GHRHR: variants seen among roughly 807,000 people sequenced by gnomAD.
GHRHR encodes the protein growth hormone releasing hormone receptor.
Under a neutral mutation model 58.3 loss-of-function variants are expected in GHRHR, and 40 were observed. The observed-to-expected ratio is 0.69, with a 90% CI of 0.53 to 0.89. The LOEUF (loss-of-function observed/expected upper bound fraction) is 0.89. GHRHR is among the 40% of genes least tolerant of loss of function. The pLI is 0.00. For synonymous variants in GHRHR, 249 were observed against 216.6 expected, an observed-to-expected ratio of 1.15 and a Z score of -1.31; for missense variants, 551 against 541.3, an observed-to-expected ratio of 1.02 and a Z score of -0.18.
chr7:30,979,425 C>T lies in GHRHR; in HGVS notation c.*181C>T, dbSNP rs1792650746. On this transcript the variant is annotated 3_prime_UTR_variant, in exon 13 of 13. Transcript: ENST00000326139. ...TCTTTTGAGGTCCCTGTATGTCTACCTCTGACTTCTGTGGTCCCTCTGTGT... is the reference window on the plus strand; with the variant it reads ...TCTTTTGAGGTCCCTGTATGTCTACTTCTGACTTCTGTGGTCCCTCTGTGT... 4 of 626,010 alleles carry T rather than the reference C, an allele frequency of 6.4e-6. No individual in the cohort carries two copies. The highest frequency in any genetic ancestry group is 1.8e-5 in the African/African-American group (1 of 55,674). 38.8% of individuals were successfully genotyped at this position (626,010 alleles called of 1,614,324 possible).
At chr7:30,971,463 A>C (rs1792478642) in intron 5 of GHRHR, among the ~76,000 whole-genome samples, 1 of 151,998 alleles carries the variant, frequency 6.6e-6, no homozygotes, top group Admixed American at 6.5e-5. Flanking sequence ...CATTGTTCTC[A>C]GTGTATTTAT....
intron 6 of GHRHR, among the ~76,000 whole-genome samples, chr7:30,973,463 G>C (rs767593481): frequency 3.3e-4 from 50 of 152,320 alleles, no homozygotes; most frequent in Non-Finnish European, 6.5e-4. Flanking sequence ...GTGGGGCTGG[G>C]ATCAAACCTG....
intron 6 of GHRHR, among the ~76,000 whole-genome samples, chr7:30,972,656 G>T (rs921043002): frequency 1.3e-5 from 2 of 152,186 alleles, no homozygotes; most frequent in Non-Finnish European, 2.9e-5. Flanking sequence ...TCAAAGACAG[G>T]AGGACCTGGG....
At chr7:30,967,722 CT>C (rs985496506) in intron 1 of GHRHR, among the ~76,000 whole-genome samples, 52 of 152,162 alleles carry the variant, frequency 3.4e-4, no homozygotes, top group Middle Eastern at 3.4e-3. Context: ...TCCCTCCTTC[CT>C]TTTTTTATGC....
At chr7:30,967,726 T>A (rs1296678359) in intron 1 of GHRHR, among the ~76,000 whole-genome samples, 1 of 152,138 alleles carries the variant, frequency 6.6e-6, no homozygotes, top group Non-Finnish European at 1.5e-5. Flanking sequence ...TCCTTCCTTT[T>A]TTTATGCAGC....
intron 3 of GHRHR, among the ~76,000 whole-genome samples, 160 bp downstream of exon 3, chr7:30,969,330 C>T (rs1186339738): frequency 6.6e-6 from 1 of 152,164 alleles, no homozygotes; most frequent in African/African-American, 2.4e-5. Context: ...ATCTCTGCTT[C>T]CTGAGCTGTG....
intron 11 of GHRHR, 39 bp from the exon 12 acceptor site, chr7:30,977,242 A>G (rs1419736604): frequency 1.2e-6 from 2 of 1,604,886 alleles, no homozygotes; most frequent in South Asian, 2.2e-5. Flanking sequence ...AGGCCAGGCC[A>G]AAGGGTTCTG....
Position 30,973,951 on chromosome 7 carries a change from C to A in GHRHR, c.598-34C>A, listed in dbSNP as rs1234448363. 1.9e-6 allele frequency: 3 copies of A among 1,607,754 alleles called. No homozygotes were observed. In the South Asian group the frequency reaches 3.3e-5, roughly 18 times the overall value. On this transcript the variant is annotated intron_variant, in intron 6 of 12. Transcript: ENST00000326139. ...ACTGGGATGGGGCTCCAGTGGGTGT[C>A]CCAGCTCTGAAGCACCCAGGTCCTG...
At chr7:30,964,509 C>A (rs1238298073) in intron 1 of GHRHR, among the ~76,000 whole-genome samples, 1 of 152,168 alleles carries the variant, frequency 6.6e-6, no homozygotes, top group East Asian at 1.9e-4. Context: ...GCAGTTTGCT[C>A]TTTCTCTCAG....
chr7:30,970,129 C>T (rs1792452418), intron 4 of GHRHR, among the ~76,000 whole-genome samples, 165 bp downstream of exon 4: 1 of 152,140 alleles, frequency 6.6e-6, no homozygotes, highest in Admixed American at 6.5e-5. Flanking sequence ...GGGTCTTTTG[C>T]TAAGTTACTG....
At position 30,976,486 on chromosome 7, in the gene GHRHR, C is replaced by A; in HGVS notation, c.1032C>A (p.Ile344=). 3 of 1,613,246 alleles carry A rather than the reference C, an allele frequency of 1.9e-6. No homozygotes were observed. Among genetic ancestry groups the A allele is most frequent in the Non-Finnish European group, 2.5e-6 (3 of 1,179,226 alleles). ...CACTCTTTGGAATTCACTACATCAT[C>A]TTCAACTTCCTGCCAGACAATGCTG... ...LIPLFGIHYI[I]FNFLPDNAGL... The change falls in exon 11 of 13, where the codon ATC becomes ATA. Residue 344 remains isoleucine, a synonymous_variant. Transcript: ENST00000326139.
At position 30,979,165 on chromosome 7, in the gene GHRHR, T is replaced by G. The variant is rs764385532; in HGVS notation, c.1193T>G (p.Leu398Arg). The change falls in exon 13 of 13, where the codon CTT (leucine) becomes CGT (arginine). Residue 398 changes from leucine (L) to arginine (R), a missense_variant. Physicochemically the swap from Leu to Arg is moderately radical, Grantham distance 102. Coordinates refer to ENST00000326139, the MANE Select transcript of GHRHR (RefSeq NM_000823.4). ...SRKWHGHDPE[L>R]LPAWRTRAKW... ...AAGTGGCATGGCCATGACCCTGAGC[T>G]TCTGCCAGCCTGGAGGACCCGTGCT... The G allele has an allele frequency of 1.9e-6, 3 of 1,613,746 alleles. No homozygotes were observed. The African/African-American group carries it at 4.0e-5, about 22-fold the overall frequency.
chr7:30,971,304 T>C (rs1792476909), intron 5 of GHRHR, 88 bp downstream of exon 5: 1 of 722,768 alleles, frequency 1.4e-6, no homozygotes, highest in Non-Finnish European at 2.5e-6. Flanking sequence ...TACATAGCCA[T>C]GAACTTCCCA....
In GHRHR at chr7:30,974,997, C is replaced by A; in HGVS notation, c.839C>A (p.Pro280His). The change falls in exon 9 of 13, where the codon CCC (proline) becomes CAC (histidine). Residue 280 changes from proline to histidine, a missense_variant. Physicochemically the swap from Pro to His is moderately conservative, Grantham distance 77. Transcript: ENST00000326139. ...IACWDLDDTS[P>H]YWWIIKGPIV... The stretch of plus-strand genomic sequence containing the variant: ...TGCTGGGACCTGGACGACACCTCCC[C>A]CTACTGGTGGATCATCAAAGGGCCC... 1 of 1,613,280 alleles carries A rather than the reference C, an allele frequency of 6.2e-7. No individual in the cohort carries two copies. The highest frequency in any genetic ancestry group is 8.5e-7 in the Non-Finnish European group (1 of 1,179,244).
At position 30,974,458 on chromosome 7, in the gene GHRHR, G is replaced by C. The variant is rs1453997157; in HGVS notation, c.781G>C (p.Val261Leu). Residue 261 changes from valine to leucine, a missense_variant, in exon 8 of 13, where the codon GTG becomes CTG. By Grantham distance (32) the Val-to-Leu change is conservative. Transcript: ENST00000326139. ...GCCCGTGCTCTTCACTGGCACGTGG[G>C]TGAGCTGCAAACTGGCCTTCGAGGA... is the stretch of plus-strand genomic sequence containing the variant. ...GLPVLFTGTW[V>L]SCKLAFEDIA... 1 of 1,613,378 alleles carries C rather than the reference G, an allele frequency of 6.2e-7. No individual in the cohort carries two copies. The highest frequency in any genetic ancestry group is 1.7e-5 in the Admixed American group (1 of 60,030).
At chr7:30,970,627 C>T (rs554043032) in intron 4 of GHRHR, among the ~76,000 whole-genome samples, 1 of 152,240 alleles carries the variant, frequency 6.6e-6, no homozygotes, top group African/African-American at 2.4e-5. Flanking sequence ...CCCTTGCCTG[C>T]ACCCTCTATC....
chr7:30,974,792 G>T (rs760809030), intron 8 of GHRHR, among the ~76,000 whole-genome samples, 179 bp from the exon 9 acceptor site: 5 of 152,136 alleles, frequency 3.3e-5, no homozygotes, highest in Non-Finnish European at 7.4e-5. Context: ...GGATAGAAAG[G>T]GTGAGCCCAG....
chr7:30,966,317 G>A (rs1792350877), intron 1 of GHRHR, among the ~76,000 whole-genome samples: 1 of 148,510 alleles, frequency 6.7e-6, no homozygotes, highest in African/African-American at 2.5e-5. Context: ...TGCTGTGCCT[G>A]CATTTCTCCC....
Position 30,963,969 on chromosome 7 carries a change from C to T in GHRHR, c.-100C>T. The T allele has an allele frequency of 9.0e-7, 1 of 1,107,328 alleles. No individual in the cohort carries two copies. The highest frequency in any genetic ancestry group is 1.5e-5 in the African/African-American group (1 of 64,904). The allele number at this position is 1,107,328 out of a possible 1,614,324, so 68.6% of individuals were successfully genotyped here. On this transcript the variant is annotated 5_prime_UTR_variant, in exon 1 of 13. Coordinates refer to ENST00000326139, the MANE Select transcript of GHRHR (RefSeq NM_000823.4). ...CAAACAGCCACCTGAGAAGGGGAAG[C>T]AGAGGGTGCGGTGGAAACGGCTGTG... is the stretch of plus-strand genomic sequence containing the variant.
Sources: gnomAD v4.1 joint callset for allele counts (sites outside exome capture counted in the v4.1 genomes callset) on GRCh38, gnomAD v4.1.1 for gene constraint, MANE v1.5 for transcripts, NCBI Gene and HGNC (gene_info 2026-07-23, HGNC 2026-07-21) for gene names.